The following SMG9 variants were observed in gnomAD, a reference collection of about 807,000 sequenced individuals.
SMG9 encodes SMG9 nonsense mediated mRNA decay factor.
Under a neutral mutation model 64.0 loss-of-function variants are expected in SMG9, and 55 were observed. The ratio of observed to expected loss-of-function variants is 0.86; its 90% CI spans 0.69 to 1.08. SMG9 has a LOEUF of 1.08. SMG9 is among the 50% of genes least tolerant of loss of function. SMG9 has a pLI of 0.00. For missense variants in SMG9, 554 were observed against 681.3 expected (o/e 0.81, Z 2.08); for synonymous variants, 244 against 254.8 (o/e 0.96, Z 0.41).
At position 43,747,595 on chromosome 19, in the gene SMG9, G is replaced by A. The variant is rs346538; in HGVS notation, c.490+38C>T. ...ATGCAGTGAGGATCTGTGAGGAGAC[G>A]CCAGTTCCCAACCTGGTACTGCCCA... On this transcript the variant is annotated intron_variant, in intron 4 of 13. Transcript: ENST00000270066. The A allele has an allele frequency of 3.7e-3, 6,009 of 1,613,974 alleles. 202 individuals are homozygous for A. In the African/African-American group the frequency reaches 0.071, roughly 19 times the overall value.
chr19:43,744,231 G>A (rs550756984), intron 6 of SMG9, among the ~76,000 whole-genome samples: 17 of 152,308 alleles, frequency 1.1e-4, no homozygotes, highest in Admixed American at 5.9e-4. Flanking sequence ...TTCCCAAGGT[G>A]ACACAGTAGG....
chr19:43,733,267 C>G (rs1968543774), intron 12 of SMG9, 57 bp downstream of exon 12: 1 of 1,588,496 alleles, frequency 6.3e-7, no homozygotes. Context: ...GGTGCTGGGT[C>G]TCTCTCTGAT....
rs1032908644 is a variant in SMG9 at position 43,732,868 on chromosome 19, C to T, written c.1474G>A (p.Glu492Lys). 9.3e-6 allele frequency: 15 copies of T among 1,613,770 alleles called. No homozygotes were observed. Among genetic ancestry groups the T allele is most frequent in the African/African-American group, 1.3e-5 (1 of 74,874 alleles). Residue 492 changes from glutamate (E) to lysine (K), a missense_variant, in exon 13 of 14, where the codon GAG (glutamate) becomes AAG (lysine). Physicochemically the swap from Glu to Lys is moderately conservative, Grantham distance 56. Transcript: ENST00000270066. ...GCAAAGAGCTCTTACCAGTTCTTCT[C>T]GGTGAGGATCGTGTGTGACAGCTGT... Reference protein sequence around the residue: ...RPQLSHTILTEKNWFHYAARI... With the variant: ...RPQLSHTILTKKNWFHYAARI...
chr19:43,738,368 A>C (rs1968742036), intron 7 of SMG9, 151 bp from the exon 8 acceptor site: 2 of 648,500 alleles, frequency 3.1e-6, no homozygotes, highest in African/African-American at 1.8e-5. Flanking sequence ...AAGAAAAAAA[A>C]CTCAAAGCTG....
intron 6 of SMG9, among the ~76,000 whole-genome samples, chr19:43,743,934 G>GTC (rs1339161815): frequency 6.6e-6 from 1 of 152,152 alleles, no homozygotes. Flanking sequence ...ACTTCAACAT[G>GTC]TCTCTGTTCT....
rs989399937 is a variant in SMG9, at chr19:43,729,764, T to C, written c.*1832A>G. 6 of 152,422 alleles carry C rather than the reference T, an allele frequency of 3.9e-5. No individual in the cohort carries two copies. The highest frequency in any genetic ancestry group is 1.4e-4 in the African/African-American group (6 of 41,462). The allele number at this position is 152,422 out of a possible 1,614,324, so 9.4% of individuals were successfully genotyped here. ...CTGGAGAGGATGGTCAGGAGGGTTCTGTAGAGATCACGACAGTGGGGCAAA... is the reference window on the plus strand; with the variant it reads ...CTGGAGAGGATGGTCAGGAGGGTTCCGTAGAGATCACGACAGTGGGGCAAA... On this transcript the variant is annotated 3_prime_UTR_variant, in exon 14 of 14. Transcript: ENST00000270066.
Position 43,730,977 on chromosome 19 carries a change from C to G in SMG9, c.*619G>C, listed in dbSNP as rs145961584. Reference sequence around the variant, plus strand: ...TACTCAGCTGCACCAGTGTATTTTCCCATCCAAAACATACACAGGGGAGGC... The same window carrying G: ...TACTCAGCTGCACCAGTGTATTTTCGCATCCAAAACATACACAGGGGAGGC... On this transcript the variant is annotated 3_prime_UTR_variant, in exon 14 of 14. Transcript: ENST00000270066. 5.4e-4 allele frequency: 147 copies of G among 271,430 alleles called. No homozygotes were observed. The highest frequency in any genetic ancestry group is 2.4e-3 in the African/African-American group (104 of 43,696). The allele number at this position is 271,430 out of a possible 1,614,324, so 16.8% of individuals were successfully genotyped here. A position where few individuals can be genotyped will look rare whatever the true frequency, so the allele number is the denominator to read the frequency against.
intron 9 of SMG9, 35 bp from the exon 10 acceptor site, chr19:43,734,530 A>G: frequency 1.4e-6 from 2 of 1,453,162 alleles, no homozygotes; most frequent in Non-Finnish European, 9.4e-7. Context: ...TTGCTCTTGC[A>G]CTTGCACCCC....
intron 2 of SMG9, chr19:43,750,282 G>A (rs1326262432): frequency 5.2e-6 from 3 of 574,438 alleles, no homozygotes; most frequent in Non-Finnish European, 1.0e-5. Context: ...GAACACGCCA[G>A]ATATGGGCCA....
chr19:43,754,565 T>A (rs1185423240), intron 1 of SMG9, 89 bp downstream of exon 1: 1 of 152,082 alleles, frequency 6.6e-6, no homozygotes, highest in African/African-American at 2.4e-5. Flanking sequence ...CCCAGCGACC[T>A]TTCAATGGCC....
chr19:43,742,221 T>C lies in SMG9; in HGVS notation c.702-2003A>G, dbSNP rs558690791. On this transcript the variant is annotated intron_variant, in intron 6 of 13. Transcript: ENST00000270066. Reference sequence around the variant, plus strand: ...GTCCTAGCTACTCAGAAGGCTGGGGTCAAAGGATCACGTGAGCCCAGTCTG... The same window carrying C: ...GTCCTAGCTACTCAGAAGGCTGGGGCCAAAGGATCACGTGAGCCCAGTCTG... 9.9e-5 allele frequency among the ~76,000 whole-genome samples: 15 copies of C among 151,822 alleles called. No individual in the cohort carries two copies. In the East Asian group the frequency reaches 2.9e-3, roughly 30 times the overall value.
rs1426815199 is a variant in SMG9, at chr19:43,728,197, G to A, written c.*3399C>T. 6.6e-6 allele frequency: 1 copy of A among 152,166 alleles called. No homozygotes were observed. Among genetic ancestry groups the A allele is most frequent in the African/African-American group, 2.4e-5 (1 of 41,388 alleles). 9.4% of individuals were successfully genotyped at this position (152,166 alleles called of 1,614,324 possible). Reference sequence around the variant, plus strand: ...TTGTAGTCACCACTGTTGGAGGTGGGGCCTGGCGGGAGGGACGGCATCATG... The same window carrying A: ...TTGTAGTCACCACTGTTGGAGGTGGAGCCTGGCGGGAGGGACGGCATCATG... On this transcript the variant is annotated 3_prime_UTR_variant, in exon 14 of 14. Transcript: ENST00000270066.
chr19:43,748,674 A>T (rs202243856), intron 2 of SMG9: 34 of 519,936 alleles, frequency 6.5e-5, no homozygotes, highest in Non-Finnish European at 1.2e-4. Flanking sequence ...TGCCTCCCCA[A>T]CTTACCCTCA....
intron 10 of SMG9, 111 bp downstream of exon 10, chr19:43,734,278 A>G: frequency 1.2e-6 from 1 of 857,264 alleles, no homozygotes; most frequent in South Asian, 1.6e-5. Context: ...AAAGTGCTCC[A>G]CCCAGAACCC....
At chr19:43,739,989 G>A in intron 7 of SMG9, 118 bp downstream of exon 7, 1 of 780,036 alleles carries the variant, frequency 1.3e-6, no homozygotes, top group South Asian at 1.5e-5. Context: ...CAGCCAGTAT[G>A]TCCATGGCTT....
chr19:43,747,471 G>C lies in SMG9; in HGVS notation c.559C>G (p.Gln187Glu), dbSNP rs1258495256. Reference protein sequence around the residue: ...MKHSIKLVDDQMNWCDSAIEY... With the variant: ...MKHSIKLVDDEMNWCDSAIEY... ...ATGGCACTGTCACACCAATTCATCT[G>C]GTCATCCACCAACTTGATGCTGTGC... Residue 187 changes from glutamine (Q) to glutamate (E), a missense_variant, in exon 5 of 14, where the codon CAG becomes GAG. Coordinates refer to ENST00000270066, the MANE Select transcript of SMG9 (RefSeq NM_019108.4). The C allele has an allele frequency of 1.2e-6, 2 of 1,613,932 alleles. No homozygotes were observed. The highest frequency in any genetic ancestry group is 1.3e-5 in the African/African-American group (1 of 74,940).
chr19:43,749,606 T>C (rs777388567), intron 2 of SMG9, among the ~76,000 whole-genome samples: 29 of 152,356 alleles, frequency 1.9e-4, no homozygotes, highest in Middle Eastern at 3.4e-3. Flanking sequence ...TCTTCATGTT[T>C]GTACAGTTTT....
chr19:43,741,801 T>TA (rs909644662), intron 6 of SMG9, among the ~76,000 whole-genome samples: 2 of 152,104 alleles, frequency 1.3e-5, no homozygotes, highest in African/African-American at 2.4e-5. Flanking sequence ...CCATCCTATT[T>TA]AAAACTATAA....
At position 43,747,562 on chromosome 19, in the gene SMG9, G is replaced by A. The variant is rs576476333; in HGVS notation, c.491-23C>T. On this transcript the variant is annotated intron_variant, in intron 4 of 13. Transcript: ENST00000270066. ...CAGCTGGAGATTGGAGAAAGCAGGAGACAGAGGATGCAGTGAGGATCTGTG... is the reference window on the plus strand; with the variant it reads ...CAGCTGGAGATTGGAGAAAGCAGGAAACAGAGGATGCAGTGAGGATCTGTG... 15 of 1,614,176 alleles carry A rather than the reference G, an allele frequency of 9.3e-6. 1 individual carries two copies. In the Admixed American group the frequency reaches 1.7e-4, roughly 18 times the overall value.
Sources: gnomAD v4.1 joint callset for allele counts (sites outside exome capture counted in the v4.1 genomes callset) on GRCh38, gnomAD v4.1.1 for gene constraint, MANE v1.5 for transcripts, NCBI Gene and HGNC (gene_info 2026-07-23, HGNC 2026-07-21) for gene names.